FGGY: variants seen among roughly 807,000 people sequenced by gnomAD.
FGGY encodes FGGY carbohydrate kinase domain containing.
FGGY carries 72 observed loss-of-function variants against 71.3 expected under a neutral mutation model. The ratio of observed to expected loss-of-function variants is 1.01; its 90% confidence interval spans 0.84 to 1.23. The LOEUF (loss-of-function observed/expected upper bound fraction) is 1.23. Among genes scored for constraint, FGGY ranks in the 50% most tolerant of loss-of-function variants. The probability of loss-of-function intolerance (pLI) is 0.00; values close to 1 mark genes in which losing one functional copy is unlikely to be tolerated. For synonymous variants in FGGY, 251 were observed against 250.3 expected (o/e 1.00, Z -0.02); for missense variants, 668 against 682.3 (o/e 0.98, Z 0.23).
At chr1:59,319,817 G>A (rs1294270369) in intron 1 of FGGY, among the ~76,000 whole-genome samples, 1 of 152,176 alleles carries the variant, frequency 6.6e-6, no homozygotes, top group Non-Finnish European at 1.5e-5. Flanking sequence ...GTATATCACA[G>A]CTCAAAGCTG....
At position 59,510,777 on chromosome 1, in the gene FGGY, T is replaced by C. The variant is rs142225829; in HGVS notation, c.671-1534T>C. 4.8e-4 allele frequency among the ~76,000 whole-genome samples: 73 copies of C among 152,374 alleles called. No individual in the cohort carries two copies. The East Asian group carries it at 0.014, about 29-fold the overall frequency. On this transcript the variant is annotated intron_variant, in intron 6 of 15. Transcript: ENST00000303721. ...ATTTTTCCAGATGAAATCTTTGATA[T>C]CTGGTGTGTATTTTCCGCTTAACAC...
chr1:59,638,134 C>T (rs1235174864), intron 10 of FGGY, 94 bp from the exon 11 acceptor site: 3 of 1,298,658 alleles, frequency 2.3e-6, no homozygotes, highest in Non-Finnish European at 3.2e-6. Context: ...TGCTTACTTT[C>T]CTGGATCTGG....
At chr1:59,380,064 C>A (rs189808051) in intron 5 of FGGY, among the ~76,000 whole-genome samples, 2 of 151,940 alleles carry the variant, frequency 1.3e-5, no homozygotes, top group South Asian at 2.1e-4. Context: ...TTTGTCCTTG[C>A]GATAGATTGC....
rs147253279 is a variant in FGGY, at chr1:59,407,362, G to A, written c.554+28525G>A. 6.5e-3 allele frequency among the ~76,000 whole-genome samples: 985 copies of A among 152,280 alleles called. 10 individuals carry two copies. Among genetic ancestry groups the A allele is most frequent in the African/African-American group, 0.022 (926 of 41,544 alleles). ...CAAAGATCCAACACTTTACAAGACC[G>A]CCTGAGAAAAGGGAGGAGGGGGTGG... On this transcript the variant is annotated intron_variant, in intron 5 of 15. Coordinates refer to ENST00000303721, the MANE Select transcript of FGGY (RefSeq NM_018291.5).
chr1:59,736,193 A>G (rs1239360759), intron 14 of FGGY, among the ~76,000 whole-genome samples: 1 of 152,164 alleles, frequency 6.6e-6, no homozygotes, highest in Non-Finnish European at 1.5e-5. Flanking sequence ...CCTCCCAGCC[A>G]TATGGAACTG....
At chr1:59,426,077 C>T (rs905300256) in intron 5 of FGGY, among the ~76,000 whole-genome samples, 1 of 152,046 alleles carries the variant, frequency 6.6e-6, no homozygotes, top group African/African-American at 2.4e-5. Context: ...CCTGGATTAC[C>T]CTTAGAGCTC....
intron 1 of FGGY, among the ~76,000 whole-genome samples, chr1:59,300,065 G>T (rs555881972): frequency 6.6e-6 from 1 of 152,340 alleles, no homozygotes; most frequent in African/African-American, 2.4e-5. Flanking sequence ...TGAATGTAGG[G>T]ATAAGAAGGA....
intron 9 of FGGY, among the ~76,000 whole-genome samples, chr1:59,620,376 C>T (rs1040086741): frequency 7.2e-5 from 11 of 151,736 alleles, no homozygotes; most frequent in African/African-American, 2.7e-4. Context: ...ACTCCTAGCA[C>T]TGTTGGGCAA....
chr1:59,473,509 G>T (rs189028881), intron 6 of FGGY, among the ~76,000 whole-genome samples: 168 of 152,316 alleles, frequency 1.1e-3, no homozygotes, highest in African/African-American at 3.9e-3. Context: ...TACCAGAAAA[G>T]AGGGGAAATG....
chr1:59,346,129 T>C, intron 3 of FGGY, 118 bp from the exon 4 acceptor site: 16 of 1,329,454 alleles, frequency 1.2e-5, no homozygotes, highest in Non-Finnish European at 1.7e-5. Flanking sequence ...TGCACACTCT[T>C]GATACATAAA....
chr1:59,355,132 G>C (rs970109056), intron 4 of FGGY, among the ~76,000 whole-genome samples: 2 of 152,232 alleles, frequency 1.3e-5, no homozygotes, highest in Admixed American at 6.5e-5. Flanking sequence ...GTGTGACACA[G>C]TATGTTTTAT....
intron 7 of FGGY, among the ~76,000 whole-genome samples, chr1:59,520,926 C>T (rs188768479): frequency 2.6e-4 from 39 of 151,254 alleles, no homozygotes; most frequent in Admixed American, 1.4e-3. Context: ...AACCGTGCTG[C>T]GCAGGAGCCA....
chr1:59,367,995 T>C (rs896927009), intron 4 of FGGY, among the ~76,000 whole-genome samples: 1 of 152,232 alleles, frequency 6.6e-6, no homozygotes, highest in Non-Finnish European at 1.5e-5. Context: ...CAGAAGGCTT[T>C]TGTGCCAAGT....
intron 5 of FGGY, among the ~76,000 whole-genome samples, chr1:59,384,330 A>T (rs2059832916): frequency 6.6e-6 from 1 of 152,022 alleles, no homozygotes; most frequent in African/African-American, 2.4e-5. Context: ...TTCCTCTTGC[A>T]AAGGTGGTTG....
intron 2 of FGGY, among the ~76,000 whole-genome samples, chr1:59,332,236 C>A (rs2153176036): frequency 6.6e-6 from 1 of 152,310 alleles, no homozygotes; most frequent in East Asian, 1.9e-4. Flanking sequence ...AGACATGGAA[C>A]AGGTTACCAA....
intron 14 of FGGY, among the ~76,000 whole-genome samples, chr1:59,695,414 C>T (rs1387602626): frequency 6.6e-6 from 1 of 152,184 alleles, no homozygotes; most frequent in Admixed American, 6.5e-5. Context: ...TAGGAGCTTG[C>T]AACACACTCG....
chr1:59,482,887 A>C (rs568409021), intron 6 of FGGY, among the ~76,000 whole-genome samples: 1 of 151,716 alleles, frequency 6.6e-6, no homozygotes, highest in African/African-American at 2.4e-5. Flanking sequence ...CCCATTTTCT[A>C]CTCTGTGAAC....
chr1:59,469,386 G>A (rs1167731655), intron 6 of FGGY, among the ~76,000 whole-genome samples: 1 of 152,170 alleles, frequency 6.6e-6, no homozygotes, highest in Non-Finnish European at 1.5e-5. Flanking sequence ...GTGCAAGAGT[G>A]TGGGACTGCA....
intron 2 of FGGY, among the ~76,000 whole-genome samples, chr1:59,333,014 T>G (rs2048803293): frequency 6.6e-6 from 1 of 152,210 alleles, no homozygotes; most frequent in Non-Finnish European, 1.5e-5. Flanking sequence ...TGATTCTTAC[T>G]TGGGAGGTAT....
Sources: allele counts gnomAD v4.1 joint callset (sites outside exome capture counted in the v4.1 genomes callset), GRCh38; gene constraint gnomAD v4.1.1; transcripts MANE v1.5; gene names NCBI Gene and HGNC (gene_info 2026-07-23, HGNC 2026-07-21).